The following SLC13A3 variants were observed in gnomAD, a reference collection of about 807,000 sequenced individuals.
The protein encoded by SLC13A3 is solute carrier family 13 member 3.
In SLC13A3, 40 loss-of-function variants were observed where a neutral mutation model predicts 59.0. The observed-to-expected ratio is 0.68, with a 90% CI of 0.53 to 0.88. The LOEUF (loss-of-function observed/expected upper bound fraction) is 0.88, where lower values mean the gene tolerates loss of function less well. SLC13A3 is among the 40% of genes least tolerant of loss of function. The pLI, the probability that SLC13A3 is intolerant of heterozygous loss-of-function variation, is 0.00. For missense variants in SLC13A3, 699 were observed against 783.2 expected, an observed-to-expected ratio of 0.89 and a Z score of 1.28; for synonymous variants, 317 against 330.3, an observed-to-expected ratio of 0.96 and a Z score of 0.44.
chr20:46,640,354 G>A (rs1056475769), intron 1 of SLC13A3, among the ~76,000 whole-genome samples: 3 of 152,060 alleles, frequency 2.0e-5, no homozygotes, highest in African/African-American at 4.8e-5. Flanking sequence ...CAGGTTGACC[G>A]GCAGGGCAGG....
chr20:46,614,005 G>A, intron 1 of SLC13A3: 1 of 350,962 alleles, frequency 2.8e-6, no homozygotes, highest in Admixed American at 4.7e-5. Context: ...GACTGTTTGA[G>A]AATGAAATGA....
At position 46,667,638 on chromosome 20, in the gene SLC13A3, A is replaced by T. The variant is rs138462907; in HGVS notation, c.-31+2405T>A. ...GAGTCTATCACCCATGCATTAGACA[A>T]AGCTACATTCAAATTCTGGCTGGGC... is the stretch of plus-strand genomic sequence containing the variant. On this transcript the variant is annotated intron_variant, in intron 1 of 12. Transcript: ENST00000290317. 5.9e-3 allele frequency among the ~76,000 whole-genome samples: 902 copies of T among 152,296 alleles called. 5 individuals are homozygous for T. Among genetic ancestry groups the T allele is most frequent in the Non-Finnish European group, 7.4e-3 (503 of 68,008 alleles).
At chr20:46,646,537 T>G (rs985702405) in intron 1 of SLC13A3, among the ~76,000 whole-genome samples, 1 of 152,168 alleles carries the variant, frequency 6.6e-6, no homozygotes, top group African/African-American at 2.4e-5. Flanking sequence ...TGAGAGGGTG[T>G]GAGTCCTCCT....
intron 1 of SLC13A3, among the ~76,000 whole-genome samples, chr20:46,666,697 T>C (rs1364948499): frequency 2.6e-5 from 4 of 151,858 alleles, no homozygotes; most frequent in African/African-American, 9.7e-5. Context: ...AGAGATAGAG[T>C]CTTGCTATGT....
intron 10 of SLC13A3, among the ~76,000 whole-genome samples, chr20:46,574,732 T>G (rs1273413000): frequency 6.6e-6 from 1 of 152,220 alleles, no homozygotes; most frequent in African/African-American, 2.4e-5. Context: ...TATCTCTCTG[T>G]GTCTCAAGTT....
chr20:46,626,262 C>T (rs1197962687), intron 1 of SLC13A3, among the ~76,000 whole-genome samples: 1 of 149,228 alleles, frequency 6.7e-6, no homozygotes. Flanking sequence ...TCTCTCCTCC[C>T]TTTCTCTCTC....
At chr20:46,560,414 T>C (rs75591819) in intron 12 of SLC13A3, among the ~76,000 whole-genome samples, 2,714 of 152,286 alleles carry the variant, frequency 0.018, 52 homozygotes, top group Non-Finnish European at 0.023. Flanking sequence ...TCCCCATTCA[T>C]TGATGGCCTC....
chr20:46,592,113 T>C (rs2062264532), intron 6 of SLC13A3, among the ~76,000 whole-genome samples: 1 of 152,130 alleles, frequency 6.6e-6, no homozygotes, highest in Non-Finnish European at 1.5e-5. Flanking sequence ...CTTGGGAGGC[T>C]GAGGCCAGAG....
At chr20:46,615,921 G>A (rs1453310386) in intron 1 of SLC13A3, among the ~76,000 whole-genome samples, 2 of 152,130 alleles carry the variant, frequency 1.3e-5, no homozygotes, top group Non-Finnish European at 2.9e-5. Flanking sequence ...TAAATAAGCT[G>A]CCACAGTTAA....
intron 1 of SLC13A3, among the ~76,000 whole-genome samples, chr20:46,646,530 G>A (rs934224809): frequency 1.3e-5 from 2 of 152,178 alleles, no homozygotes; most frequent in Admixed American, 6.5e-5. Context: ...AACAGAATGA[G>A]AGGGTGTGAG....
At chr20:46,673,207 G>A (rs1337652903), upstream of SLC13A3, among the ~76,000 whole-genome samples, 9 of 152,130 alleles carry the variant, frequency 5.9e-5, no homozygotes, top group Admixed American at 4.6e-4. Flanking sequence ...CCATTTATTC[G>A]TTTAGCACAG....
At chr20:46,675,424 T>C (rs1271780692) in intron 1 of SLC13A3, among the ~76,000 whole-genome samples, 2 of 148,016 alleles carry the variant, frequency 1.4e-5, no homozygotes, top group Non-Finnish European at 3.0e-5. Context: ...TTTTTTTTTT[T>C]CAGTAGAGAC....
chr20:46,580,831 C>T (rs145483642), intron 9 of SLC13A3, among the ~76,000 whole-genome samples: 1 of 152,286 alleles, frequency 6.6e-6, no homozygotes, highest in East Asian at 1.9e-4. Flanking sequence ...AAGACACACC[C>T]ACCAGTATAC....
At chr20:46,653,698 C>T (rs8116718), upstream of SLC13A3, among the ~76,000 whole-genome samples, 832 of 152,252 alleles carry the variant, frequency 5.5e-3, 9 homozygotes, top group African/African-American at 0.018. Context: ...CTCATACAAG[C>T]GGTATCATGG....
chr20:46,673,234 A>C (rs907212636), upstream of SLC13A3, among the ~76,000 whole-genome samples: 1 of 152,106 alleles, frequency 6.6e-6, no homozygotes, highest in Non-Finnish European at 1.5e-5. Flanking sequence ...GTACCTATCA[A>C]CCCCTAATTA....
intron 12 of SLC13A3, among the ~76,000 whole-genome samples, chr20:46,562,230 T>C (rs913423846): frequency 1.4e-4 from 21 of 152,174 alleles, no homozygotes; most frequent in African/African-American, 4.1e-4. Flanking sequence ...CCCACTGTGG[T>C]TTGAATAAGA....
intron 10 of SLC13A3, among the ~76,000 whole-genome samples, chr20:46,571,209 GA>G: frequency 6.6e-6 from 1 of 152,276 alleles, no homozygotes; most frequent in African/African-American, 2.4e-5. Flanking sequence ...GACATGTGGG[GA>G]TAATGGGAAC....
chr20:46,658,332 G>A (rs1395859341), intron 1 of SLC13A3, among the ~76,000 whole-genome samples: 2 of 152,160 alleles, frequency 1.3e-5, no homozygotes, highest in Non-Finnish European at 2.9e-5. Context: ...TATAGTGATT[G>A]CCAAGCAATG....
At position 46,588,094 on chromosome 20, in the gene SLC13A3, C is replaced by T. The variant is rs1422322712; in HGVS notation, c.1086G>A (p.Lys362=). The T allele has an allele frequency of 6.2e-7, 1 of 1,612,704 alleles. No individual in the cohort carries two copies. The highest frequency in any genetic ancestry group is 2.2e-5 in the East Asian group (1 of 44,772). Residue 362 remains lysine, a synonymous_variant, in exon 8 of 13, where the codon AAG becomes AAA. Transcript: ENST00000279027. Reference sequence around the variant, plus strand: ...AGAGGCTGGCCCAGCCAGGGATGAACTTCGGGTCCCGGGTGAAGAGGAGGA... The same window carrying T: ...AGAGGCTGGCCCAGCCAGGGATGAATTTCGGGTCCCGGGTGAAGAGGAGGA... ...FAILLFTRDP[K]FIPGWASLFN... is the part of the protein sequence containing the mutation.
Sources: allele counts gnomAD v4.1 joint callset (sites outside exome capture counted in the v4.1 genomes callset), GRCh38; gene constraint gnomAD v4.1.1; transcripts MANE v1.5; gene names NCBI Gene and HGNC (gene_info 2026-07-23, HGNC 2026-07-21).